Variants in CCDC77 observed in about 807,000 individuals in gnomAD.
The protein encoded by CCDC77 is coiled-coil domain-containing protein 77.
Under a neutral mutation model 66.8 loss-of-function variants are expected in CCDC77, and 56 were observed. The ratio of observed to expected loss-of-function variants is 0.84; its 90% CI spans 0.68 to 1.05. The LOEUF (loss-of-function observed/expected upper bound fraction) is 1.05. Among genes scored for constraint, CCDC77 ranks in the 50% least tolerant of loss-of-function variants. CCDC77 has a pLI of 0.00. For missense variants in CCDC77, 570 were observed against 576.8 expected (o/e 0.99, Z 0.12); for synonymous variants, 196 against 195.2 (o/e 1.00, Z -0.03).
intron 9 of CCDC77, among the ~76,000 whole-genome samples, chr12:435,705 G>A (rs911374720): frequency 6.6e-6 from 1 of 152,156 alleles, no homozygotes; most frequent in South Asian, 2.1e-4. Context: ...CCCGAAGTTA[G>A]CACTCAGGAA....
chr12:391,601 G>A (rs1362059528), intron 1 of CCDC77, among the ~76,000 whole-genome samples: 1 of 152,174 alleles, frequency 6.6e-6, no homozygotes, highest in Non-Finnish European at 1.5e-5. Flanking sequence ...TAAATGTAAT[G>A]GTTTTGCTTT....
At position 411,884 on chromosome 12, in the gene CCDC77, T is replaced by C; in HGVS notation, c.176T>C (p.Leu59Pro). The C allele has an allele frequency of 6.2e-7, 1 of 1,613,812 alleles. No individual in the cohort carries two copies. The highest frequency in any genetic ancestry group is 1.1e-5 in the South Asian group (1 of 91,052). ...AAACTCCATCCTTCTAAGGAGCTCCTGGAATATTATCAAAAGAAGATGGCT... is the reference window on the plus strand; with the variant it reads ...AAACTCCATCCTTCTAAGGAGCTCCCGGAATATTATCAAAAGAAGATGGCT... Reference protein sequence around the residue: ...LAKLHPSKELLEYYQKKMAEC... With the variant: ...LAKLHPSKELPEYYQKKMAEC... Residue 59 changes from leucine to proline, a missense_variant, in exon 4 of 13, where the codon CTG becomes CCG. Transcript: ENST00000239830.
intron 9 of CCDC77, among the ~76,000 whole-genome samples, chr12:435,509 T>C (rs1290174569): frequency 6.6e-6 from 1 of 152,246 alleles, no homozygotes; most frequent in African/African-American, 2.4e-5. Flanking sequence ...CATTCTCTGC[T>C]CTCTGATATA....
intron 2 of CCDC77, among the ~76,000 whole-genome samples, chr12:407,922 G>A (rs992898886): frequency 6.6e-6 from 1 of 151,444 alleles, no homozygotes; most frequent in Non-Finnish European, 1.5e-5. Context: ...CGAGTAGCTG[G>A]GACTACGGGT....
At chr12:436,309 A>G (rs1945755426) in intron 9 of CCDC77, among the ~76,000 whole-genome samples, 1 of 150,952 alleles carries the variant, frequency 6.6e-6, no homozygotes, top group Non-Finnish European at 1.5e-5. Flanking sequence ...TTGTATTTTT[A>G]GTAGAGACAA....
rs1020705203 is a variant in CCDC77, at chr12:411,931, G to A, written c.223G>A (p.Asp75Asn). The stretch of plus-strand genomic sequence containing the variant: ...GGCTGAGTGTGAGGCAGAAAATGAG[G>A]ACTTGCTGAAGAAACTGGAACTCTA... ...KMAECEAENEDLLKKLELYKE... is the reference protein window; with the variant it reads ...KMAECEAENENLLKKLELYKE... Residue 75 changes from aspartate (D) to asparagine (N), a missense_variant, in exon 4 of 13, where the codon GAC becomes AAC. Asp to Asn is a conservative substitution (Grantham distance 23). Transcript: ENST00000239830. The A allele has an allele frequency of 1.9e-6, 3 of 1,613,998 alleles. No individual in the cohort carries two copies. Among genetic ancestry groups the A allele is most frequent in the Admixed American group, 1.7e-5 (1 of 60,004 alleles).
At chr12:433,348 A>G (rs1415397375) in intron 9 of CCDC77, 26 bp downstream of exon 9, 2 of 1,609,992 alleles carry the variant, frequency 1.2e-6, no homozygotes, top group Non-Finnish European at 8.5e-7. Flanking sequence ...AGCTGTACCT[A>G]ACGGGTATTG....
intron 2 of CCDC77, among the ~76,000 whole-genome samples, chr12:407,869 C>G (rs1450876952): frequency 6.8e-6 from 1 of 146,102 alleles, no homozygotes; most frequent in Non-Finnish European, 1.5e-5. Context: ...CTCACTGCGA[C>G]CTCCACCTCC....
At chr12:415,019 T>G (rs1335806271) in intron 4 of CCDC77, among the ~76,000 whole-genome samples, 1 of 152,076 alleles carries the variant, frequency 6.6e-6, no homozygotes. Flanking sequence ...ACATTATGTA[T>G]GTATACAATG....
chr12:401,015 C>G, upstream of CCDC77, among the ~76,000 whole-genome samples: 1 of 152,164 alleles, frequency 6.6e-6, no homozygotes, highest in Admixed American at 6.5e-5. Flanking sequence ...AATTCTGAGA[C>G]GAAAGTGCTT....
At chr12:424,713 T>C (rs1412172050) in intron 5 of CCDC77, among the ~76,000 whole-genome samples, 1 of 152,122 alleles carries the variant, frequency 6.6e-6, no homozygotes. Context: ...CAAGAAATCA[T>C]TGCCAGATTC....
At chr12:426,181 A>G (rs1001341735) in intron 5 of CCDC77, among the ~76,000 whole-genome samples, 7 of 152,264 alleles carry the variant, frequency 4.6e-5, no homozygotes, top group African/African-American at 1.4e-4. Context: ...TTTATACTGT[A>G]TTGACAGAAA....
At chr12:410,843 G>T (rs1945094213) in intron 3 of CCDC77, among the ~76,000 whole-genome samples, 1 of 152,164 alleles carries the variant, frequency 6.6e-6, no homozygotes, top group African/African-American at 2.4e-5. Flanking sequence ...ACTGCACCCG[G>T]CCTGCAATAT....
At position 411,839 on chromosome 12, in the gene CCDC77, C is replaced by T. The variant is rs759355080; in HGVS notation, c.131C>T (p.Ser44Phe). The stretch of plus-strand genomic sequence containing the variant: ...TCACTGGAGTCAACCCCCTTGCCTT[C>T]CCCCGAAGATCGTCTGGCCAAACTC... ...ADSLESTPLPSPEDRLAKLHP... is the reference protein window; with the variant it reads ...ADSLESTPLPFPEDRLAKLHP... The change falls in exon 4 of 13, where the codon TCC becomes TTC. Residue 44 changes from serine (S) to phenylalanine (F), a missense_variant. Transcript: ENST00000239830. 1.9e-6 allele frequency: 3 copies of T among 1,613,828 alleles called. No homozygotes were observed. The highest frequency in any genetic ancestry group is 1.7e-5 in the Admixed American group (1 of 59,958).
chr12:423,772 C>T (rs769180350), intron 5 of CCDC77, among the ~76,000 whole-genome samples: 18 of 152,012 alleles, frequency 1.2e-4, no homozygotes, highest in Non-Finnish European at 2.4e-4. Context: ...GTTAGGATTA[C>T]AGGCGTGAGC....
chr12:397,383 G>A (rs1944841790), upstream of CCDC77, among the ~76,000 whole-genome samples: 1 of 152,168 alleles, frequency 6.6e-6, no homozygotes, highest in African/African-American at 2.4e-5. Context: ...ACCGAGCCGA[G>A]ATGTTTGGGA....
intron 9 of CCDC77, among the ~76,000 whole-genome samples, chr12:437,801 G>C (rs908538917): frequency 6.9e-6 from 1 of 145,574 alleles, no homozygotes; most frequent in Admixed American, 7.0e-5. Flanking sequence ...AGCTGTGATC[G>C]TGCCTCTGCA....
At chr12:434,336 C>A (rs1022434369) in intron 9 of CCDC77, among the ~76,000 whole-genome samples, 1 of 151,572 alleles carries the variant, frequency 6.6e-6, no homozygotes, top group Non-Finnish European at 1.5e-5. Context: ...TCACCATTGA[C>A]CTCTTAACTT....
chr12:390,257 T>G (rs1944732204), intron 1 of CCDC77: 1 of 152,146 alleles, frequency 6.6e-6, no homozygotes, highest in Non-Finnish European at 1.5e-5. Context: ...ACAGCTGATT[T>G]CTCCTCTCAA....
Sources: gnomAD v4.1 joint callset for allele counts (sites outside exome capture counted in the v4.1 genomes callset) on GRCh38, gnomAD v4.1.1 for gene constraint, MANE v1.5 for transcripts, NCBI Gene and HGNC (gene_info 2026-07-23, HGNC 2026-07-21) for gene names.